ZNF33A: variants seen among roughly 807,000 people sequenced by gnomAD.
ZNF33A encodes the protein zinc finger protein 33A.
Under a neutral mutation model 15.9 loss-of-function variants are expected in ZNF33A, and 9 were observed. That is an observed-to-expected ratio of 0.57 (90% CI 0.34 to 0.99). ZNF33A has a LOEUF of 0.99. ZNF33A is among the 50% of genes least tolerant of loss of function. The pLI is 0.02. For missense variants in ZNF33A, 843 were observed against 941.6 expected, an observed-to-expected ratio of 0.90 and a Z score of 1.37; for synonymous variants, 294 against 324.2, an observed-to-expected ratio of 0.91 and a Z score of 1.00.
chr10:38,054,626 G>T lies in ZNF33A; in HGVS notation c.502G>T (p.Asp168Tyr). The change falls in exon 5 of 5, where the codon GAT (aspartate) becomes TAT (tyrosine). Residue 168 changes from aspartate (D) to tyrosine (Y), a missense_variant. By Grantham distance (160) the Asp-to-Tyr change is radical (BLOSUM62 -3). Coordinates refer to ENST00000432900, the MANE Select transcript of ZNF33A (RefSeq NM_006954.2). ...SKINYLGKKS[D>Y]EFNACGKLLL... Reference sequence around the variant, plus strand: ...GATAAACTATTTAGGAAAAAAGTCTGATGAATTTAATGCCTGTGGGAAATT... The same window carrying T: ...GATAAACTATTTAGGAAAAAAGTCTTATGAATTTAATGCCTGTGGGAAATT... 1.2e-6 allele frequency: 2 copies of T among 1,612,620 alleles called. No individual in the cohort carries two copies. The highest frequency in any genetic ancestry group is 8.5e-7 in the Non-Finnish European group (1 of 1,179,656).
chr10:38,036,623 A>G (rs1400164741), intron 4 of ZNF33A, among the ~76,000 whole-genome samples: 1 of 152,120 alleles, frequency 6.6e-6, no homozygotes, highest in Non-Finnish European at 1.5e-5. Context: ...TCTACAAGAA[A>G]CCTACTGCTA....
chr10:38,030,721 A>G (rs2065178069), intron 4 of ZNF33A, among the ~76,000 whole-genome samples: 1 of 152,142 alleles, frequency 6.6e-6, no homozygotes. Context: ...GGGTAAGCGC[A>G]CACAAAAGGG....
chr10:38,018,134 T>A (rs2064553126), intron 4 of ZNF33A, among the ~76,000 whole-genome samples: 1 of 152,188 alleles, frequency 6.6e-6, no homozygotes, highest in Admixed American at 6.6e-5. Context: ...ATTATGCCTC[T>A]AAGTATATTA....
In ZNF33A at chr10:38,055,197, A is replaced by G. The variant is rs148863217; in HGVS notation, c.1073A>G (p.Gln358Arg). The change falls in exon 5 of 5, where the codon CAA becomes CGA. Residue 358 changes from glutamine (Q) to arginine (R), a missense_variant. Coordinates refer to ENST00000432900, the MANE Select transcript of ZNF33A (RefSeq NM_006954.2). ...GTGCACACAGGACAGAAACCCTTTC[A>G]ATGTAATGAATGTGAAAAAGCTTTC... Reference protein sequence around the residue: ...QRVHTGQKPFQCNECEKAFWD... With the variant: ...QRVHTGQKPFRCNECEKAFWD... 8.7e-5 allele frequency: 141 copies of G among 1,614,178 alleles called. 1 individual carries two copies. In the African/African-American group the frequency reaches 1.8e-3, roughly 20 times the overall value.
At chr10:38,063,740 GT>G (rs753711426), downstream of ZNF33A, among the ~76,000 whole-genome samples, 20 of 152,190 alleles carry the variant, frequency 1.3e-4, no homozygotes, top group Non-Finnish European at 2.5e-4. Flanking sequence ...TAGCACCCCT[GT>G]TTTCTCTGCG....
At chr10:38,050,398 G>C (rs1434188448) in intron 4 of ZNF33A, among the ~76,000 whole-genome samples, 1 of 152,244 alleles carries the variant, frequency 6.6e-6, no homozygotes, top group East Asian at 1.9e-4. Context: ...TAGGTGACCT[G>C]TGCAGTCACA....
intron 4 of ZNF33A, among the ~76,000 whole-genome samples, chr10:38,038,453 C>A (rs1054196943): frequency 4.6e-5 from 7 of 152,172 alleles, no homozygotes; most frequent in African/African-American, 1.7e-4. Flanking sequence ...AGTGAACTTG[C>A]ACCCTGCAAC....
intron 4 of ZNF33A, among the ~76,000 whole-genome samples, chr10:38,030,366 G>A (rs1035734672): frequency 2.0e-5 from 3 of 152,172 alleles, no homozygotes; most frequent in African/African-American, 7.2e-5. Context: ...ATAATGTGTG[G>A]TGTGTCCATA....
chr10:38,047,624 C>CAAAAAAAAAAAAAAAAAAAAAAAAAAA (rs554054575), intron 4 of ZNF33A, among the ~76,000 whole-genome samples: 2 of 75,008 alleles, frequency 2.7e-5, no homozygotes, highest in East Asian at 4.7e-4. Context: ...GACTCTGTCT[C>CAAAAAAAAAAAAAAAAAAAAAAAAAAA]AAAAAAAAAA....
intron 4 of ZNF33A, among the ~76,000 whole-genome samples, chr10:38,051,862 CAG>C (rs1396614354): frequency 6.6e-6 from 1 of 151,806 alleles, no homozygotes; most frequent in Admixed American, 6.6e-5. Context: ...AAGAAAAAAA[CAG>C]AAAAAAAGTC....
rs75520989 is a variant in ZNF33A at position 38,050,258 on chromosome 10, G to A, written c.251-4117G>A. 2.2e-3 allele frequency among the ~76,000 whole-genome samples: 329 copies of A among 152,280 alleles called. 4 individuals carry two copies. The East Asian group carries it at 0.035, about 16-fold the overall frequency. ...TGAACATAAATTCAAAAACTCTAGG[G>A]ATTGGAAACCAGTGGTGTATAACAT... On this transcript the variant is annotated intron_variant, in intron 4 of 4. Transcript: ENST00000432900.
At position 38,055,797 on chromosome 10, in the gene ZNF33A, G is replaced by T. The variant is rs769145788; in HGVS notation, c.1673G>T (p.Cys558Phe). The change falls in exon 5 of 5, where the codon TGT (cysteine) becomes TTT (phenylalanine). Residue 558 changes from cysteine (C) to phenylalanine (F), a missense_variant. Cys to Phe is a radical substitution (Grantham distance 205, BLOSUM62 -2). Transcript: ENST00000432900. ...CAGAAACCCTTTGCATGTCCCGAAT[G>T]TGGGAAATTCTTTAGCCATAAGTCA... ...TGQKPFACPECGKFFSHKSTL... is the reference protein window; with the variant it reads ...TGQKPFACPEFGKFFSHKSTL... The T allele has an allele frequency of 5.7e-6, 9 of 1,587,270 alleles. No homozygotes were observed. The highest frequency in any genetic ancestry group is 4.5e-5 in the South Asian group (4 of 89,414).
chr10:38,010,763 G>A lies in ZNF33A; in HGVS notation c.-65G>A, dbSNP rs1483412246. 2.5e-6 allele frequency: 4 copies of A among 1,598,352 alleles called. No homozygotes were observed. Among genetic ancestry groups the A allele is most frequent in the Non-Finnish European group, 3.4e-6 (4 of 1,179,824 alleles). On this transcript the variant is annotated 5_prime_UTR_variant, in exon 1 of 5. It removes an upstream start codon present in the reference 5' UTR. Transcript: ENST00000432900. ...GTCTACGCGCTTTTCTATGGCGAAT[G>A]CAACCCGACGAGGGAGTGGGGTAAG... is the stretch of plus-strand genomic sequence containing the variant.
downstream of ZNF33A, chr10:38,060,135 T>C: frequency 2.1e-6 from 2 of 945,732 alleles, no homozygotes; most frequent in Non-Finnish European, 2.5e-6. Flanking sequence ...AAATCATCAT[T>C]AGTGAACAAT....
At chr10:38,046,779 T>C (rs1385906897) in intron 4 of ZNF33A, among the ~76,000 whole-genome samples, 1 of 152,126 alleles carries the variant, frequency 6.6e-6, no homozygotes, top group Non-Finnish European at 1.5e-5. Flanking sequence ...TTCTAAAACT[T>C]AAGTAGAGAC....
At chr10:38,048,817 A>T (rs1400628412) in intron 4 of ZNF33A, among the ~76,000 whole-genome samples, 2 of 152,208 alleles carry the variant, frequency 1.3e-5, no homozygotes, top group Non-Finnish European at 2.9e-5. Flanking sequence ...CACAGTTATA[A>T]TCAGAGGTTT....
intron 4 of ZNF33A, among the ~76,000 whole-genome samples, chr10:38,034,286 C>T (rs1003400861): frequency 2.0e-5 from 3 of 152,164 alleles, no homozygotes. Flanking sequence ...AGGATCCCTT[C>T]CAGGGCACCA....
At chr10:38,044,438 G>T (rs2065864270) in intron 4 of ZNF33A, among the ~76,000 whole-genome samples, 1 of 151,898 alleles carries the variant, frequency 6.6e-6, no homozygotes, top group African/African-American at 2.4e-5. Flanking sequence ...TTGAACTCCT[G>T]ACCGCAGGTG....
At chr10:38,039,444 C>G in intron 4 of ZNF33A, 1 of 453,702 alleles carries the variant, frequency 2.2e-6, no homozygotes, top group East Asian at 7.0e-5. Flanking sequence ...CTGGGCTGGT[C>G]TTAAACTCCT....
Sources: gnomAD v4.1 joint callset for allele counts (sites outside exome capture counted in the v4.1 genomes callset) on GRCh38, gnomAD v4.1.1 for gene constraint, MANE v1.5 for transcripts, NCBI Gene and HGNC (gene_info 2026-07-23, HGNC 2026-07-21) for gene names.